The following TMX3 variants were observed in gnomAD, a reference collection of about 807,000 sequenced individuals.
TMX3 encodes the protein protein disulfide-isomerase TMX3.
Under a neutral mutation model 64.4 loss-of-function variants are expected in TMX3, and 40 were observed. The ratio of observed to expected loss-of-function variants is 0.62; its 90% CI spans 0.48 to 0.81. The LOEUF (loss-of-function observed/expected upper bound fraction) is 0.81. TMX3 is among the 30% of genes least tolerant of loss of function. The pLI, the probability that TMX3 is intolerant of heterozygous loss-of-function variation, is 0.00. For missense variants in TMX3, 497 were observed against 534.5 expected (o/e 0.93, Z 0.69); for synonymous variants, 189 against 175.7 (o/e 1.08, Z -0.60).
Position 68,691,340 on chromosome 18 carries a change from G to T in TMX3, c.592C>A (p.Pro198Thr), listed in dbSNP as rs1419668223. The T allele has an allele frequency of 1.9e-6, 3 of 1,571,968 alleles. No individual in the cohort carries two copies. Among genetic ancestry groups the T allele is most frequent in the Admixed American group, 3.5e-5 (2 of 57,758 alleles). The change falls in exon 9 of 16, where the codon CCA becomes ACA. Residue 198 changes from proline (P) to threonine (T), a missense_variant. Pro to Thr is a conservative substitution (Grantham distance 38, BLOSUM62 -1). Around this residue, in one of 3 missense-constraint regions of TMX3, gnomAD observed 360 missense variants for 383.5 expected, o/e 0.94. Transcript: ENST00000299608. Reference protein sequence around the residue: ...VPEYVTLKEMPAVLVFKDETY... With the variant: ...VPEYVTLKEMTAVLVFKDETY... ...TCATCTTTGAAAACAAGCACAGCTG[G>T]CATCTCTTTTAGTGTCACATACTGC... is the stretch of plus-strand genomic sequence containing the variant.
rs532611096 is a variant in TMX3 at position 68,677,000 on chromosome 18, C to T, written c.1298G>A (p.Ser433Asn). The T allele has an allele frequency of 7.0e-4, 1,127 of 1,613,824 alleles. 21 individuals are homozygous for T. In the South Asian group the frequency reaches 0.012, roughly 17 times the overall value. Residue 433 changes from serine (S) to asparagine (N), a missense_variant, in exon 16 of 16, where the codon AGC (serine) becomes AAC (asparagine). This residue lies in a region of TMX3 where 94 missense variants were observed against 75.8 expected (regional missense o/e 1.24). Coordinates refer to ENST00000299608, the MANE Select transcript of TMX3 (RefSeq NM_019022.5). ...TGTAGGCACTACAGATCCTCCACTG[C>T]TGGGCTCCTGCTGTTCTTTGCTCTC... ...IEESKEQQEP[S>N]SGGSVVPTVQ...
rs146810493 is a variant in TMX3 at position 68,695,279 on chromosome 18, T to C, written c.570+1947A>G. On this transcript the variant is annotated intron_variant, in intron 8 of 15. Transcript: ENST00000299608. ...TCTTTTAAAACACTTCGTCTTGGCT[T>C]CCAGCTCATCTCTTTTTCCTAATTT... Among the ~76,000 whole-genome samples the C allele has an allele frequency of 3.7e-3, 566 of 152,326 alleles. 3 individuals carry two copies. Among genetic ancestry groups the C allele is most frequent in the African/African-American group, 0.013 (542 of 41,576 alleles).
At chr18:68,695,055 A>G (rs1017528689) in intron 8 of TMX3, among the ~76,000 whole-genome samples, 7 of 151,914 alleles carry the variant, frequency 4.6e-5, no homozygotes, top group Non-Finnish European at 8.8e-5. Context: ...TACTCATTCA[A>G]AGTTTCCTAA....
In TMX3 at chr18:68,701,763, C is replaced by T; in HGVS notation, c.293G>A (p.Gly98Asp). 1 of 1,611,584 alleles carries T rather than the reference C, an allele frequency of 6.2e-7. No individual in the cohort carries two copies. Among genetic ancestry groups the T allele is most frequent in the Non-Finnish European group, 8.5e-7 (1 of 1,179,118 alleles). ...AACTTACAGCTTAATTGTTGGATAACCTCGAACTCCAAACTCTGAAGCAAT... is the reference window on the plus strand; with the variant it reads ...AACTTACAGCTTAATTGTTGGATAATCTCGAACTCCAAACTCTGAAGCAAT... ...SSIASEFGVR[G>D]YPTIKLLKGD... The change falls in exon 5 of 16, where the codon GGT (glycine) becomes GAT (aspartate). Residue 98 changes from glycine to aspartate, a missense_variant. Around this residue, in one of 3 missense-constraint regions of TMX3, gnomAD observed 360 missense variants for 383.5 expected, o/e 0.94. Transcript: ENST00000299608.
intron 8 of TMX3, among the ~76,000 whole-genome samples, chr18:68,692,201 C>A (rs1599313281): frequency 2.0e-5 from 3 of 152,276 alleles, no homozygotes; most frequent in Middle Eastern, 3.4e-3. Context: ...TCTAATCAAG[C>A]ATGCTCCATT....
chr18:68,691,374 AG>A lies in TMX3; in HGVS notation c.571-14del. The A allele has an allele frequency of 6.8e-7, 1 of 1,476,806 alleles. No individual in the cohort carries two copies. Among genetic ancestry groups the A allele is most frequent in the Non-Finnish European group, 9.1e-7 (1 of 1,103,024 alleles). The allele number at this position is 1,476,806 out of a possible 1,614,324, so 91.5% of individuals were successfully genotyped here. On this transcript the variant is annotated splice_polypyrimidine_tract_variant and intron_variant, in intron 8 of 15. Coordinates refer to ENST00000299608, the MANE Select transcript of TMX3 (RefSeq NM_019022.5). ...TTAGTGTCACATACTGCAAAAAATC[AG>A]AAGTTTAAATAACTTTTATCACTAA... is the stretch of plus-strand genomic sequence containing the variant.
chr18:68,686,215 CAG>C lies in TMX3; in HGVS notation c.736+1450_736+1451del, dbSNP rs1343795737. On this transcript the variant is annotated intron_variant, in intron 10 of 15. Coordinates refer to ENST00000299608, the MANE Select transcript of TMX3 (RefSeq NM_019022.5). The stretch of plus-strand genomic sequence containing the variant: ...GGGCACGACCACAGCTGATGCCTAA[CAG>C]GGGCAATTATGTCAGACACATAAAA... Among the ~76,000 whole-genome samples the C allele has an allele frequency of 6.6e-5, 10 of 152,268 alleles. 1 individual carries two copies. In the South Asian group the frequency reaches 2.1e-3, roughly 32 times the overall value.
intron 9 of TMX3, among the ~76,000 whole-genome samples, chr18:68,689,305 T>C (rs994788629): frequency 7.2e-5 from 11 of 152,034 alleles, no homozygotes; most frequent in Non-Finnish European, 1.3e-4. Context: ...CACTGAGCTA[T>C]AACAGGGGGA....
chr18:68,703,243 A>G (rs1418599687), intron 4 of TMX3, among the ~76,000 whole-genome samples: 4 of 152,234 alleles, frequency 2.6e-5, no homozygotes, highest in Admixed American at 6.5e-5. Flanking sequence ...ATTACCTTCA[A>G]TTAAAACTCA....
intron 8 of TMX3, among the ~76,000 whole-genome samples, chr18:68,694,912 T>G (rs1190017034): frequency 6.6e-6 from 1 of 152,192 alleles, no homozygotes; most frequent in Non-Finnish European, 1.5e-5. Context: ...AAATGAAATG[T>G]TTCACTTACC....
chr18:68,708,067 G>A (rs1397407694), intron 4 of TMX3, among the ~76,000 whole-genome samples: 1 of 149,708 alleles, frequency 6.7e-6, no homozygotes, highest in African/African-American at 2.5e-5. Context: ...GTATATATAT[G>A]TGTATATGTG....
chr18:68,696,036 G>A (rs531466583), intron 8 of TMX3, among the ~76,000 whole-genome samples: 6 of 152,154 alleles, frequency 3.9e-5, no homozygotes, highest in East Asian at 3.9e-4. Flanking sequence ...ATCTTTGCAC[G>A]GCTCCTTCAT....
chr18:68,706,646 C>T (rs1005559651), intron 4 of TMX3, among the ~76,000 whole-genome samples: 1 of 152,106 alleles, frequency 6.6e-6, no homozygotes, highest in Non-Finnish European at 1.5e-5. Flanking sequence ...CTACTGGCCG[C>T]AAGAGGTATC....
At chr18:68,694,660 T>G (rs1599318270) in intron 8 of TMX3, among the ~76,000 whole-genome samples, 1 of 152,094 alleles carries the variant, frequency 6.6e-6, no homozygotes, top group African/African-American at 2.4e-5. Flanking sequence ...TTCTGGCTGG[T>G]GAAACGACAC....
At chr18:68,680,040 T>C (rs1316898822) in intron 14 of TMX3, among the ~76,000 whole-genome samples, 1 of 152,184 alleles carries the variant, frequency 6.6e-6, no homozygotes, top group Non-Finnish European at 1.5e-5. Context: ...TGTTGTTAAA[T>C]AGTCTGAGTT....
chr18:68,677,748 C>T (rs924071247), intron 15 of TMX3, among the ~76,000 whole-genome samples: 5 of 152,050 alleles, frequency 3.3e-5, no homozygotes, highest in African/African-American at 9.7e-5. Context: ...GGGTTTTCAA[C>T]TAGAATATAC....
chr18:68,693,231 T>C (rs976514846), intron 8 of TMX3, among the ~76,000 whole-genome samples: 7 of 152,192 alleles, frequency 4.6e-5, no homozygotes, highest in African/African-American at 1.4e-4. Flanking sequence ...GCTGCGCGAA[T>C]GCCAGCTGCA....
chr18:68,710,015 G>A lies in TMX3; in HGVS notation c.265+6C>T. The stretch of plus-strand genomic sequence containing the variant: ...CAGTAAAATAATAAACTAAGTGAAG[G>A]CTTACTAGAATAGGAAGTAGCATCC... On this transcript the variant is annotated splice_donor_region_variant and intron_variant, in intron 4 of 15. Transcript: ENST00000299608. 1 of 1,580,402 alleles carries A rather than the reference G, an allele frequency of 6.3e-7. No individual in the cohort carries two copies. The highest frequency in any genetic ancestry group is 8.6e-7 in the Non-Finnish European group (1 of 1,166,156).
intron 9 of TMX3, chr18:68,691,065 T>C: frequency 2.6e-6 from 1 of 387,968 alleles, no homozygotes; most frequent in East Asian, 3.7e-5. Context: ...ACGCATATAA[T>C]TTAACAAACA....
Sources: allele counts gnomAD v4.1 joint callset (sites outside exome capture counted in the v4.1 genomes callset), GRCh38; gene constraint gnomAD v4.1.1; regional missense constraint gnomAD v4.1.1; transcripts MANE v1.5; gene names NCBI Gene and HGNC (gene_info 2026-07-23, HGNC 2026-07-21).